Variants in FTO observed in about 807,000 individuals in gnomAD.
FTO encodes the protein alpha-ketoglutarate-dependent dioxygenase FTO.
Under a neutral mutation model 63.9 loss-of-function variants are expected in FTO, and 47 were observed. The observed-to-expected ratio is 0.74, with a 90% confidence interval of 0.58 to 0.94. FTO has a LOEUF of 0.94. Among genes scored for constraint, FTO ranks in the 40% least tolerant of loss-of-function variants. The probability of loss-of-function intolerance (pLI) is 0.00; values close to 1 mark genes in which losing one functional copy is unlikely to be tolerated. For synonymous variants in FTO, 207 were observed against 224.4 expected, an observed-to-expected ratio of 0.92 and a Z score of 0.69; for missense variants, 562 against 618.1, an observed-to-expected ratio of 0.91 and a Z score of 0.96.
intron 1 of FTO, among the ~76,000 whole-genome samples, chr16:53,764,475 C>CAA (rs56906281): frequency 0.09 from 10,681 of 118,618 alleles, 727 homozygotes; most frequent in African/African-American, 0.2. Context: ...ACTAAAAATA[C>CAA]AAAAAAAAAA....
intron 1 of FTO, among the ~76,000 whole-genome samples, chr16:53,757,812 G>GA (rs1260252158): frequency 6.6e-6 from 1 of 152,128 alleles, no homozygotes; most frequent in East Asian, 1.9e-4. Flanking sequence ...TTATGCAGCT[G>GA]AAAACTGGCA....
chr16:53,931,962 G>A (rs2082296693), intron 7 of FTO, among the ~76,000 whole-genome samples: 1 of 152,014 alleles, frequency 6.6e-6, no homozygotes, highest in Non-Finnish European at 1.5e-5. Flanking sequence ...GCATCAGTGA[G>A]CCAGCTTTTC....
chr16:54,010,954 T>A (rs1232605401), intron 8 of FTO, among the ~76,000 whole-genome samples: 2 of 152,184 alleles, frequency 1.3e-5, no homozygotes, highest in Non-Finnish European at 2.9e-5. Flanking sequence ...GTAAGTGATA[T>A]CTATTATTGG....
At chr16:53,922,556 C>T (rs916125998) in intron 7 of FTO, among the ~76,000 whole-genome samples, 1 of 152,188 alleles carries the variant, frequency 6.6e-6, no homozygotes, top group Admixed American at 6.5e-5. Context: ...ACAAAGGAAA[C>T]TACTGATGGT....
At chr16:53,819,299 A>G (rs1567325123) in intron 2 of FTO, among the ~76,000 whole-genome samples, 1 of 152,110 alleles carries the variant, frequency 6.6e-6, no homozygotes, top group Non-Finnish European at 1.5e-5. Context: ...CTGCCCAAGT[A>G]GCTGGGACCA....
chr16:54,120,089 G>C lies in FTO; in HGVS notation c.*8174G>C, dbSNP rs1481178011. 6.6e-6 allele frequency: 1 copy of C among 152,252 alleles called. No individual in the cohort carries two copies. Among genetic ancestry groups the C allele is most frequent in the Non-Finnish European group, 1.5e-5 (1 of 68,076 alleles). 9.4% of individuals were successfully genotyped at this position (152,252 alleles called of 1,614,324 possible). On this transcript the variant is annotated 3_prime_UTR_variant, in exon 9 of 9. Transcript: ENST00000471389. ...CCAAGGACTTCAAGTGAAAGGCGGT[G>C]GGAGAAATTGTTCTGAAAGCATGAA...
At chr16:53,809,101 G>T (rs1598719192) in intron 1 of FTO, among the ~76,000 whole-genome samples, 1 of 152,252 alleles carries the variant, frequency 6.6e-6, no homozygotes, top group Non-Finnish European at 1.5e-5. Flanking sequence ...TTTCTTATAA[G>T]ATACTTTATA....
intron 8 of FTO, among the ~76,000 whole-genome samples, chr16:54,088,929 T>G (rs1336613589): frequency 2.0e-5 from 3 of 152,230 alleles, no homozygotes; most frequent in Non-Finnish European, 4.4e-5. Context: ...AATCAGGATA[T>G]GCATACATGG....
chr16:54,012,910 TAAATG>T (rs2084361899), intron 8 of FTO, among the ~76,000 whole-genome samples: 1 of 152,040 alleles, frequency 6.6e-6, no homozygotes, highest in Non-Finnish European at 1.5e-5. Flanking sequence ...CTGATGGAGA[TAAATG>T]AGATTAATGT....
chr16:54,032,099 C>T (rs1351433913), intron 8 of FTO, among the ~76,000 whole-genome samples: 4 of 152,220 alleles, frequency 2.6e-5, no homozygotes, highest in African/African-American at 4.8e-5. Flanking sequence ...GGTGATATTA[C>T]AGGCAGATTA....
chr16:54,078,572 A>T (rs1263177472), intron 8 of FTO, among the ~76,000 whole-genome samples: 1 of 152,018 alleles, frequency 6.6e-6, no homozygotes, highest in East Asian at 1.9e-4. Flanking sequence ...TCTGGAGTCA[A>T]TTCATTACCA....
intron 8 of FTO, among the ~76,000 whole-genome samples, chr16:53,961,964 C>G (rs1038465567): frequency 6.6e-6 from 1 of 152,126 alleles, no homozygotes; most frequent in Non-Finnish European, 1.5e-5. Context: ...CAATGAGAAC[C>G]CATCAGAACA....
At chr16:53,970,350 G>A (rs1316128906) in intron 8 of FTO, among the ~76,000 whole-genome samples, 2 of 152,114 alleles carry the variant, frequency 1.3e-5, no homozygotes, top group South Asian at 2.1e-4. Context: ...AGCACTTTGG[G>A]AGGCCAAGGC....
intron 8 of FTO, among the ~76,000 whole-genome samples, chr16:54,048,223 T>TAAAAAAAAAA (rs2085226649): frequency 2.0e-5 from 1 of 50,880 alleles, no homozygotes; most frequent in Non-Finnish European, 4.1e-5. Context: ...TAAAAAAAAA[T>TAAAAAAAAAA]AAAAAATAAA....
intron 8 of FTO, among the ~76,000 whole-genome samples, chr16:53,998,153 G>A (rs1401004705): frequency 6.6e-6 from 1 of 152,178 alleles, no homozygotes; most frequent in Non-Finnish European, 1.5e-5. Flanking sequence ...TAGCATCAGA[G>A]CAGAACATGG....
At chr16:53,984,495 T>C (rs1196819954) in intron 8 of FTO, among the ~76,000 whole-genome samples, 3 of 151,832 alleles carry the variant, frequency 2.0e-5, no homozygotes, top group Non-Finnish European at 4.4e-5. Flanking sequence ...CTACTTTGTA[T>C]TTTTTTGCAG....
intron 8 of FTO, among the ~76,000 whole-genome samples, chr16:54,096,294 G>A (rs1424369928): frequency 6.6e-6 from 1 of 152,138 alleles, no homozygotes; most frequent in Non-Finnish European, 1.5e-5. Flanking sequence ...TTTCCTAGGT[G>A]TACAAAATGC....
At chr16:53,770,118 A>T (rs1017719238) in intron 1 of FTO, among the ~76,000 whole-genome samples, 1 of 152,158 alleles carries the variant, frequency 6.6e-6, no homozygotes, top group African/African-American at 2.4e-5. Context: ...ATTGACTCCA[A>T]ACTCCAGACA....
chr16:53,761,451 C>T (rs553535603), intron 1 of FTO, among the ~76,000 whole-genome samples: 20 of 152,160 alleles, frequency 1.3e-4, no homozygotes, highest in Admixed American at 7.2e-4. Context: ...TGGGAAGGAG[C>T]CAAGTGCATG....
Sources: allele counts gnomAD v4.1 joint callset (sites outside exome capture counted in the v4.1 genomes callset), GRCh38; gene constraint gnomAD v4.1.1; transcripts MANE v1.5; gene names NCBI Gene and HGNC (gene_info 2026-07-23, HGNC 2026-07-21).